PDE4D: variants seen among roughly 807,000 people sequenced by gnomAD.
PDE4D encodes the protein phosphodiesterase 4D.
A neutral mutation model predicts 87.4 loss-of-function variants in PDE4D; 24 were observed. That is an observed-to-expected ratio of 0.27 (90% CI 0.20 to 0.39). The LOEUF is 0.39. PDE4D is among the 10% of genes least tolerant of loss of function. The pLI, the probability that PDE4D is intolerant of heterozygous loss-of-function variation, is 1.00. For synonymous variants in PDE4D, 384 were observed against 383.2 expected, an observed-to-expected ratio of 1.00 and a Z score of -0.02; for missense variants, 714 against 1,041.0, an observed-to-expected ratio of 0.69 and a Z score of 4.32.
intron 2 of PDE4D, among the ~76,000 whole-genome samples, chr5:59,200,388 C>T (rs1746906731): frequency 2.9e-5 from 1 of 34,430 alleles, no homozygotes; most frequent in East Asian, 1.3e-3. Context: ...TATACATACA[C>T]GTGTATGTAC....
intron 3 of PDE4D, among the ~76,000 whole-genome samples, chr5:59,976,126 T>C (rs975159672): frequency 6.6e-6 from 1 of 152,208 alleles, no homozygotes; most frequent in African/African-American, 2.4e-5. Context: ...GTTGGTTGAA[T>C]ATAAAGTGAA....
At chr5:60,081,119 T>C (rs1013049335) in intron 2 of PDE4D, among the ~76,000 whole-genome samples, 2 of 151,846 alleles carry the variant, frequency 1.3e-5, no homozygotes, top group African/African-American at 4.8e-5. Flanking sequence ...AGGATGTATG[T>C]GTTCAGGAGT....
intron 1 of PDE4D, among the ~76,000 whole-genome samples, chr5:60,415,995 T>G (rs916846519): frequency 2.0e-5 from 3 of 152,334 alleles, no homozygotes; most frequent in Admixed American, 6.5e-5. Flanking sequence ...ACCCTGTGTC[T>G]ATCTCAGGGT....
Position 59,893,440 on chromosome 5 carries a change from C to A in PDE4D, c.183G>T (p.Pro61=). The change falls in exon 1 of 15, where the codon CCG becomes CCT. Residue 61 remains proline, a synonymous_variant. Coordinates refer to ENST00000340635, the MANE Select transcript of PDE4D (RefSeq NM_001104631.2). Reference sequence around the variant, plus strand: ...GGGGCTGGGGCTGGGGCGAGGGTGGCGGCGGCGGGGGCAGGTGGTGATGGG... The same window carrying A: ...GGGGCTGGGGCTGGGGCGAGGGTGGAGGCGGCGGGGGCAGGTGGTGATGGG... ...LHPHHHLPPP[P]PPSPQPQPQC... is the part of the protein sequence containing the mutation. The A allele has an allele frequency of 6.6e-7, 1 of 1,504,046 alleles. No individual in the cohort carries two copies. The allele number at this position is 1,504,046 out of a possible 1,614,324, so 93.2% of individuals were successfully genotyped here.
chr5:60,176,874 CT>C (rs1783950913), intron 2 of PDE4D, among the ~76,000 whole-genome samples: 1 of 151,938 alleles, frequency 6.6e-6, no homozygotes, highest in Admixed American at 6.6e-5. Context: ...TTTACTTGAA[CT>C]TGGAATAAGG....
intron 1 of PDE4D, among the ~76,000 whole-genome samples, chr5:59,302,052 T>C (rs1028266095): frequency 1.3e-5 from 2 of 151,974 alleles, no homozygotes; most frequent in Non-Finnish European, 2.9e-5. Context: ...ACGTCAGAGT[T>C]TGCCTGATAT....
intron 1 of PDE4D, among the ~76,000 whole-genome samples, chr5:59,825,325 CT>C (rs921614744): frequency 6.6e-6 from 1 of 152,208 alleles, no homozygotes; most frequent in Non-Finnish European, 1.5e-5. Flanking sequence ...GAAGAACCAT[CT>C]CAGAGTTGCC....
In PDE4D at chr5:60,327,050, T is replaced by G. The variant is rs183310792; in HGVS notation, c.-89-141363A>C. On this transcript the variant is annotated intron_variant, in intron 1 of 16. Coordinates refer to the PDE4D transcript ENST00000502484. The stretch of plus-strand genomic sequence containing the variant: ...ATATCCCATGCCATAGAAAACCGTT[T>G]AATAGAACCTACTGTAGCAGAGGCA... Among the ~76,000 whole-genome samples, 492 of 152,252 alleles carry G rather than the reference T, an allele frequency of 3.2e-3. 4 individuals carry two copies. The highest frequency in any genetic ancestry group is 0.011 in the African/African-American group (463 of 41,574).
At chr5:59,505,156 C>T (rs1027857782) in intron 1 of PDE4D, among the ~76,000 whole-genome samples, 2 of 152,024 alleles carry the variant, frequency 1.3e-5, no homozygotes, top group Admixed American at 6.6e-5. Flanking sequence ...AATATGCATT[C>T]CCAGGTTATG....
chr5:60,260,227 T>C (rs1749508569), intron 1 of PDE4D, among the ~76,000 whole-genome samples: 1 of 151,906 alleles, frequency 6.6e-6, no homozygotes, highest in African/African-American at 2.4e-5. Flanking sequence ...GCCACACATC[T>C]GATAGTGATA....
At chr5:60,057,199 A>G (rs531428369) in intron 2 of PDE4D, among the ~76,000 whole-genome samples, 65 of 152,174 alleles carry the variant, frequency 4.3e-4, no homozygotes, top group African/African-American at 1.6e-3. Context: ...GTAAAACTAC[A>G]TCAATCAGGA....
intron 1 of PDE4D, among the ~76,000 whole-genome samples, chr5:59,508,575 C>T (rs534696062): frequency 6.6e-6 from 1 of 151,750 alleles, no homozygotes; most frequent in East Asian, 1.9e-4. Flanking sequence ...AAAAAATAAA[C>T]TTGCCTGAGA....
chr5:60,076,940 G>A (rs1443520636), intron 2 of PDE4D, among the ~76,000 whole-genome samples: 2 of 152,178 alleles, frequency 1.3e-5, no homozygotes, highest in Non-Finnish European at 2.9e-5. Context: ...ATGGCTTGGG[G>A]GCGGGGACCC....
At chr5:59,033,249 A>AC (rs1757905833) in intron 6 of PDE4D, among the ~76,000 whole-genome samples, 1 of 152,140 alleles carries the variant, frequency 6.6e-6, no homozygotes, top group Non-Finnish European at 1.5e-5. Flanking sequence ...ATCAAGGCAT[A>AC]CCCCCCAATC....
At chr5:59,221,832 T>A (rs1752639875) in intron 1 of PDE4D, among the ~76,000 whole-genome samples, 1 of 152,168 alleles carries the variant, frequency 6.6e-6, no homozygotes, top group Non-Finnish European at 1.5e-5. Context: ...TGGAACTAAG[T>A]GAGGTGCTTT....
intron 1 of PDE4D, among the ~76,000 whole-genome samples, chr5:59,891,508 C>T (rs1164644478): frequency 6.6e-6 from 1 of 152,170 alleles, no homozygotes; most frequent in Non-Finnish European, 1.5e-5. Context: ...GGACATCCAC[C>T]TCTTCAAACA....
intron 1 of PDE4D, among the ~76,000 whole-genome samples, chr5:60,227,080 C>T (rs1329518045): frequency 6.6e-6 from 1 of 152,086 alleles, no homozygotes; most frequent in Non-Finnish European, 1.5e-5. Flanking sequence ...GATACACATA[C>T]ACACATATGC....
chr5:60,289,139 T>A (rs914582357), intron 1 of PDE4D, among the ~76,000 whole-genome samples: 5 of 152,196 alleles, frequency 3.3e-5, no homozygotes, highest in Non-Finnish European at 7.4e-5. Context: ...GAATCAGTCA[T>A]CTTACATTCA....
intron 1 of PDE4D, among the ~76,000 whole-genome samples, chr5:59,701,979 C>T (rs1752642129): frequency 6.6e-6 from 1 of 152,144 alleles, no homozygotes; most frequent in Non-Finnish European, 1.5e-5. Context: ...AAGTTAATCA[C>T]ATTTCCAAGG....
Sources: gnomAD v4.1 joint callset for allele counts (sites outside exome capture counted in the v4.1 genomes callset) on GRCh38, gnomAD v4.1.1 for gene constraint, MANE v1.5 for transcripts, NCBI Gene and HGNC (gene_info 2026-07-23, HGNC 2026-07-21) for gene names.